DCC: variants seen among roughly 807,000 people sequenced by gnomAD.
DCC encodes the protein DCC netrin 1 receptor, also known as netrin receptor DCC.
A neutral mutation model predicts 172.5 loss-of-function variants in DCC; 58 were observed. That is an observed-to-expected ratio of 0.34 (90% CI 0.27 to 0.42). DCC has a LOEUF of 0.42. Among genes scored for constraint, DCC ranks in the 10% least tolerant of loss-of-function variants. The probability of loss-of-function intolerance (pLI) is 1.00; values close to 1 mark genes in which losing one functional copy is unlikely to be tolerated. For synonymous variants in DCC, 709 were observed against 644.5 expected (o/e 1.10, Z -1.52); for missense variants, 1,740 against 1,791.0 (o/e 0.97, Z 0.51).
At chr18:53,402,432 A>T (rs574140035) in intron 18 of DCC, among the ~76,000 whole-genome samples, 16 of 151,946 alleles carry the variant, frequency 1.1e-4, no homozygotes, top group African/African-American at 3.9e-4. Flanking sequence ...AACTAGAAAA[A>T]GATATGTAAT....
At chr18:53,481,039 A>C (rs1298960039) in intron 25 of DCC, 2 of 152,314 alleles carry the variant, frequency 1.3e-5, no homozygotes, top group African/African-American at 4.8e-5. Context: ...GGATTCCCCA[A>C]GACATGACAC....
chr18:53,261,758 C>G (rs2056606532), intron 12 of DCC, among the ~76,000 whole-genome samples: 1 of 152,136 alleles, frequency 6.6e-6, no homozygotes, highest in Non-Finnish European at 1.5e-5. Flanking sequence ...CTTGGCCTCC[C>G]AAAGTGCTGG....
intron 1 of DCC, among the ~76,000 whole-genome samples, chr18:52,544,473 C>G (rs563624157): frequency 1.9e-4 from 29 of 150,516 alleles, no homozygotes; most frequent in African/African-American, 6.1e-4. Context: ...TGTGGCACCA[C>G]AAGACATTCC....
chr18:53,504,891 G>A (rs1357168170), intron 27 of DCC, among the ~76,000 whole-genome samples: 1 of 152,180 alleles, frequency 6.6e-6, no homozygotes, highest in Non-Finnish European at 1.5e-5. Context: ...ACAGCCAAAT[G>A]TAAAGAATTT....
At chr18:52,726,390 T>C (rs2036552365) in intron 1 of DCC, among the ~76,000 whole-genome samples, 1 of 152,170 alleles carries the variant, frequency 6.6e-6, no homozygotes, top group African/African-American at 2.4e-5. Flanking sequence ...CTCATCTCTT[T>C]CCACCATGGT....
At chr18:53,108,176 C>G (rs549690700) in intron 7 of DCC, among the ~76,000 whole-genome samples, 570 of 4,152 alleles carry the variant, frequency 0.14, 2 homozygotes, top group African/African-American at 0.31. Flanking sequence ...AAGACATACA[C>G]AGAAAAACAC....
At chr18:53,468,276 C>T (rs1599184130) in intron 25 of DCC, among the ~76,000 whole-genome samples, 1 of 151,018 alleles carries the variant, frequency 6.6e-6, no homozygotes, top group Non-Finnish European at 1.5e-5. Context: ...TATGAATTCA[C>T]ATAAAAGAGC....
At chr18:53,487,438 A>T (rs771494867) in intron 26 of DCC, among the ~76,000 whole-genome samples, 1 of 150,908 alleles carries the variant, frequency 6.6e-6, no homozygotes, top group Non-Finnish European at 1.5e-5. Context: ...TTTCCAGGGT[A>T]TTATTTCATT....
At chr18:52,387,763 C>G (rs536477011) in intron 1 of DCC, among the ~76,000 whole-genome samples, 2 of 152,058 alleles carry the variant, frequency 1.3e-5, no homozygotes, top group Non-Finnish European at 2.9e-5. Context: ...ATGCTCTCTA[C>G]TCTTTCAAAT....
intron 5 of DCC, among the ~76,000 whole-genome samples, chr18:53,050,591 A>G (rs2093884950): frequency 6.6e-6 from 1 of 152,096 alleles, no homozygotes. Flanking sequence ...TTGTTGGTAT[A>G]TAGGAATACT....
At chr18:53,217,910 C>A (rs1258845985) in intron 12 of DCC, among the ~76,000 whole-genome samples, 1 of 151,964 alleles carries the variant, frequency 6.6e-6, no homozygotes, top group Admixed American at 6.6e-5. Flanking sequence ...AGTGACACAA[C>A]CATGACTTAC....
intron 15 of DCC, among the ~76,000 whole-genome samples, chr18:53,384,655 T>C (rs1258735899): frequency 6.6e-6 from 1 of 152,124 alleles, no homozygotes; most frequent in Non-Finnish European, 1.5e-5. Context: ...TTCTGATTTA[T>C]GTTACTTTTT....
At chr18:53,452,781 C>A (rs2045430254) in intron 23 of DCC, among the ~76,000 whole-genome samples, 1 of 152,184 alleles carries the variant, frequency 6.6e-6, no homozygotes, top group Admixed American at 6.5e-5. Flanking sequence ...TCATATCTTT[C>A]TTCAGTAGCA....
chr18:53,366,639 G>A (rs1225822496), intron 15 of DCC, among the ~76,000 whole-genome samples: 1 of 152,154 alleles, frequency 6.6e-6, no homozygotes. Flanking sequence ...TCCATGGATT[G>A]TCTCTTTTGA....
chr18:52,554,233 A>G (rs983484992), intron 1 of DCC, among the ~76,000 whole-genome samples: 6 of 152,082 alleles, frequency 3.9e-5, no homozygotes, highest in Non-Finnish European at 7.4e-5. Flanking sequence ...GGTTAGTAAT[A>G]AAGGAATGCC....
intron 5 of DCC, among the ~76,000 whole-genome samples, chr18:53,022,539 A>ATATGTGTGTGTG (rs1555697204): frequency 5.1e-5 from 6 of 117,612 alleles, no homozygotes; most frequent in African/African-American, 1.6e-4. Flanking sequence ...TTATATATAT[A>ATATGTGTGTGTG]TGTGCGTGTG....
At chr18:52,733,179 G>C (rs540030526) in intron 1 of DCC, among the ~76,000 whole-genome samples, 8 of 152,146 alleles carry the variant, frequency 5.3e-5, no homozygotes, top group African/African-American at 1.9e-4. Flanking sequence ...GATGGAGAAG[G>C]GTTCTCTCCT....
chr18:52,472,367 T>C (rs558142719), intron 1 of DCC, among the ~76,000 whole-genome samples: 101 of 152,186 alleles, frequency 6.6e-4, no homozygotes, highest in Non-Finnish European at 1.2e-3. Flanking sequence ...GCAATTAGTC[T>C]TAGCTCCTTT....
intron 9 of DCC, among the ~76,000 whole-genome samples, chr18:53,182,124 A>G (rs928145609): frequency 3.9e-5 from 6 of 152,234 alleles, no homozygotes; most frequent in Non-Finnish European, 7.3e-5. Flanking sequence ...AAGGCATAAA[A>G]TAACAAAAGC....
Sources: allele counts gnomAD v4.1 joint callset (sites outside exome capture counted in the v4.1 genomes callset), GRCh38; gene constraint gnomAD v4.1.1; transcripts MANE v1.5; gene names NCBI Gene and HGNC (gene_info 2026-07-23, HGNC 2026-07-21).